SNAI3: variants seen among roughly 807,000 people sequenced by gnomAD.
SNAI3 encodes the protein zinc finger protein SNAI3.
Under a neutral mutation model 16.4 loss-of-function variants are expected in SNAI3, and 21 were observed. The observed-to-expected ratio is 1.28, with a 90% CI of 0.91 to 1.85. The LOEUF is 1.85. Ranked by LOEUF, SNAI3 falls within the 40% of genes most tolerant of loss-of-function variation. The probability of loss-of-function intolerance (pLI) is 0.00; values close to 1 mark genes in which losing one functional copy is unlikely to be tolerated. For synonymous variants in SNAI3, 202 were observed against 166.6 expected (o/e 1.21, Z -1.64); for missense variants, 457 against 372.8 (o/e 1.23, Z -1.86).
At chr16:88,684,027 AG>A (rs753616098) in intron 1 of SNAI3, among the ~76,000 whole-genome samples, 1 of 152,224 alleles carries the variant, frequency 6.6e-6, no homozygotes, top group Non-Finnish European at 1.5e-5. Flanking sequence ...GAGGATGAGG[AG>A]GAATAGGGGA....
At chr16:88,684,035 G>A (rs1052806093) in intron 1 of SNAI3, among the ~76,000 whole-genome samples, 1 of 152,180 alleles carries the variant, frequency 6.6e-6, no homozygotes, top group East Asian at 1.9e-4. Flanking sequence ...GGAGGAATAG[G>A]GGATTCAAAG....
Position 88,678,224 on chromosome 16 carries a change from TCTC to T in SNAI3, c.*221_*223del. ...ATGAAAGCCTTCCCCGGGAGAGGAG[TCTC>T]CTCTGAGTGGGCTCCGCGCGGTGGG... On this transcript the variant is annotated 3_prime_UTR_variant, in exon 3 of 3. Transcript: ENST00000332281. 1 of 475,942 alleles carries T rather than the reference TCTC, an allele frequency of 2.1e-6. No individual in the cohort carries two copies. The highest frequency in any genetic ancestry group is 3.7e-6 in the Non-Finnish European group (1 of 267,826). The allele number at this position is 475,942 out of a possible 1,614,324, so 29.5% of individuals were successfully genotyped here.
intron 2 of SNAI3, among the ~76,000 whole-genome samples, chr16:88,679,936 C>G (rs1909107707): frequency 6.6e-6 from 1 of 151,902 alleles, no homozygotes; most frequent in Non-Finnish European, 1.5e-5. Flanking sequence ...TAAAAATTGG[C>G]TGGGCATGGT....
chr16:88,678,751 C>G, intron 2 of SNAI3, 122 bp from the exon 3 acceptor site: 1 of 1,450,584 alleles, frequency 6.9e-7, no homozygotes, highest in Admixed American at 2.5e-5. Flanking sequence ...CCAGAGCACC[C>G]AAGGTTGAGC....
chr16:88,683,551 G>GT (rs1429464910), intron 1 of SNAI3, among the ~76,000 whole-genome samples: 2 of 136,954 alleles, frequency 1.5e-5, no homozygotes, highest in African/African-American at 5.6e-5. Context: ...ACTGCGCCTG[G>GT]CCTTTTTTTT....
chr16:88,680,746 G>A (rs952880763), intron 2 of SNAI3, among the ~76,000 whole-genome samples: 10 of 151,838 alleles, frequency 6.6e-5, no homozygotes, highest in African/African-American at 9.7e-5. Context: ...CTACCAGCAC[G>A]TGCCACCACA....
At chr16:88,683,193 A>G (rs905300855) in intron 1 of SNAI3, among the ~76,000 whole-genome samples, 3 of 149,958 alleles carry the variant, frequency 2.0e-5, no homozygotes, top group African/African-American at 4.9e-5. Context: ...CCCAGGTCCA[A>G]ATGATTTTCC....
At chr16:88,685,401 T>C (rs2142950290) in intron 1 of SNAI3, 1 of 152,320 alleles carries the variant, frequency 6.6e-6, no homozygotes, top group African/African-American at 2.4e-5. Context: ...AAAGGCCTCT[T>C]GGCGGTGTTG....
chr16:88,680,012 T>G (rs1909109456), intron 2 of SNAI3, among the ~76,000 whole-genome samples: 1 of 149,152 alleles, frequency 6.7e-6, no homozygotes, highest in South Asian at 2.1e-4. Flanking sequence ...ACCCAGGCAG[T>G]CAAAGCTGCA....
intron 1 of SNAI3, among the ~76,000 whole-genome samples, chr16:88,682,843 C>G (rs60472259): frequency 0.022 from 2,760 of 127,118 alleles, 91 homozygotes; most frequent in African/African-American, 0.076. Context: ...GGCGTGATCT[C>G]GGTTCACTGT....
Position 88,681,737 on chromosome 16 carries a change from A to C in SNAI3, c.77-23T>G. The C allele has an allele frequency of 5.7e-6, 8 of 1,410,954 alleles. No individual in the cohort carries two copies. In the Middle Eastern group the frequency reaches 9.5e-4, roughly 168 times the overall value. The allele number at this position is 1,410,954 out of a possible 1,614,324, so 87.4% of individuals were successfully genotyped here. ...TTTCTAGAGGGGTGGAGGGGAGAGA[A>C]TAGAAAGATGAAGACTGAATCCCCA... is the stretch of plus-strand genomic sequence containing the variant. On this transcript the variant is annotated intron_variant, in intron 1 of 2. Coordinates refer to ENST00000332281, the MANE Select transcript of SNAI3 (RefSeq NM_178310.4). This position sits in a 1 kb window ranked among gnomAD's most constrained non-coding sequence, Gnocchi z 5.4.
rs1909143505 is a variant in SNAI3, at chr16:88,681,007, A to C, written c.697+87T>G. The C allele has an allele frequency of 2.6e-6, 4 of 1,521,136 alleles. No homozygotes were observed. In the East Asian group the frequency reaches 9.1e-5, roughly 35 times the overall value. The allele number at this position is 1,521,136 out of a possible 1,614,324, so 94.2% of individuals were successfully genotyped here. ...GTGAATGCCCATGCTATTGTTTATA[A>C]AATCACCCCTCCTCCTTTTCTAACT... On this transcript the variant is annotated intron_variant, in intron 2 of 2. Coordinates refer to ENST00000332281, the MANE Select transcript of SNAI3 (RefSeq NM_178310.4). The surrounding 1 kb of genome is among the most constrained non-coding windows in gnomAD (Gnocchi z 5.4).
Position 88,686,430 on chromosome 16 carries a change from G to A in SNAI3, c.-24C>T, listed in dbSNP as rs772503580. On this transcript the variant is annotated 5_prime_UTR_variant, in exon 1 of 3. Transcript: ENST00000332281. ...ATGTTCCCCTCCCGGGCGGCAGGCC[G>A]GGGTGGGCTGGGGCGGGAGGGGCGC... The A allele has an allele frequency of 2.2e-5, 35 of 1,604,312 alleles. No individual in the cohort carries two copies. In the Admixed American group the frequency reaches 4.9e-4, roughly 22 times the overall value.
chr16:88,678,121 C>T lies in SNAI3; in HGVS notation c.*327G>A. 3.6e-6 allele frequency: 1 copy of T among 274,624 alleles called. No homozygotes were observed. Among genetic ancestry groups the T allele is most frequent in the Non-Finnish European group, 6.9e-6 (1 of 144,288 alleles). 17.0% of individuals were successfully genotyped at this position (274,624 alleles called of 1,614,324 possible). A position where few individuals can be genotyped will look rare whatever the true frequency, so the allele number is the denominator to read the frequency against. On this transcript the variant is annotated 3_prime_UTR_variant, in exon 3 of 3. Transcript: ENST00000332281. ...AGTGCCGGCCCATGCTGGCGGCCAC[C>T]TCCCCGAGGCTCTGACTCTTGGAAG...
At chr16:88,682,375 C>T (rs142273558) in intron 1 of SNAI3, among the ~76,000 whole-genome samples, 180 of 152,368 alleles carry the variant, frequency 1.2e-3, no homozygotes, top group African/African-American at 3.6e-3. Context: ...AGAATTACCC[C>T]GGCTGGGCTC....
In SNAI3 at chr16:88,678,334, C is replaced by G. The variant is rs1909041435; in HGVS notation, c.*114G>C. ...ATTGGACGCAGATGTGGAGGACGCA[C>G]CAAGTGTGAGGCCAGGCCCCGCCCT... On this transcript the variant is annotated 3_prime_UTR_variant, in exon 3 of 3. Coordinates refer to ENST00000332281, the MANE Select transcript of SNAI3 (RefSeq NM_178310.4). 1.6e-6 allele frequency: 1 copy of G among 606,756 alleles called. No individual in the cohort carries two copies. Among genetic ancestry groups the G allele is most frequent in the African/African-American group, 1.8e-5 (1 of 54,114 alleles). The allele number at this position is 606,756 out of a possible 1,614,324, so 37.6% of individuals were successfully genotyped here.
intron 1 of SNAI3, among the ~76,000 whole-genome samples, chr16:88,682,504 CTG>C (rs1489721002): frequency 1.3e-5 from 2 of 152,256 alleles, no homozygotes; most frequent in Non-Finnish European, 2.9e-5. Context: ...GAGTTAAACT[CTG>C]TATGTCCCCA....
At chr16:88,682,905 G>T (rs1478844368) in intron 1 of SNAI3, among the ~76,000 whole-genome samples, 1 of 150,202 alleles carries the variant, frequency 6.7e-6, no homozygotes, top group African/African-American at 2.5e-5. Context: ...CTCCTGCGTA[G>T]CTGGGAGTAC....
At position 88,686,336 on chromosome 16, in the gene SNAI3, T is replaced by G; in HGVS notation, c.71A>C (p.Gln24Pro). 6.2e-7 allele frequency: 1 copy of G among 1,610,960 alleles called. No homozygotes were observed. The highest frequency in any genetic ancestry group is 1.1e-5 in the South Asian group (1 of 90,990). The change falls in exon 1 of 3, where the codon CAG becomes CCG. Residue 24 changes from glutamine to proline, a missense_variant. Coordinates refer to ENST00000332281, the MANE Select transcript of SNAI3 (RefSeq NM_178310.4). Reference sequence around the variant, plus strand: ...GGGGATCGGGTAGTCAGTACCTCTCTGCGTCTCCAGCCGCCGGTAGTTGGG... The same window carrying G: ...GGGGATCGGGTAGTCAGTACCTCTCGGCGTCTCCAGCCGCCGGTAGTTGGG... ...RVPNYRRLETQREINGACSAC... is the reference protein window; with the variant it reads ...RVPNYRRLETPREINGACSAC...
Sources: gnomAD v4.1 joint callset for allele counts (sites outside exome capture counted in the v4.1 genomes callset) on GRCh38, gnomAD v4.1.1 for gene constraint, Gnocchi (gnomAD v3.1) non-coding constraint, MANE v1.5 for transcripts, NCBI Gene and HGNC (gene_info 2026-07-23, HGNC 2026-07-21) for gene names.